RAB31: variants seen among roughly 807,000 people sequenced by gnomAD.
The protein encoded by RAB31 is ras-related protein Rab-31.
Under a neutral mutation model 25.6 loss-of-function variants are expected in RAB31, and 21 were observed. That is an observed-to-expected ratio of 0.82 (90% confidence interval 0.58 to 1.18). The LOEUF is 1.18. Among genes scored for constraint, RAB31 ranks in the 50% most tolerant of loss-of-function variants. The pLI, the probability that RAB31 is intolerant of heterozygous loss-of-function variation, is 0.00. For synonymous variants in RAB31, 87 were observed against 84.0 expected, an observed-to-expected ratio of 1.04 and a Z score of -0.20; for missense variants, 196 against 250.1, an observed-to-expected ratio of 0.78 and a Z score of 1.46.
At chr18:9,792,983 A>G (rs2068468907) in intron 3 of RAB31, among the ~76,000 whole-genome samples, 1 of 152,222 alleles carries the variant, frequency 6.6e-6, no homozygotes. Context: ...GGAGAAGACT[A>G]TATATTTTAG....
chr18:9,710,367 C>T lies in RAB31; in HGVS notation c.39+1923C>T, dbSNP rs189085959. On this transcript the variant is annotated intron_variant, in intron 1 of 6. Transcript: ENST00000578921. ...GAGTTCAGGGTGCCAATTAGCAAACCTGGGAGAGGAGGAAGCTGGAGGAAA... is the reference window on the plus strand; with the variant it reads ...GAGTTCAGGGTGCCAATTAGCAAACTTGGGAGAGGAGGAAGCTGGAGGAAA... Among the ~76,000 whole-genome samples the T allele has an allele frequency of 1.9e-4, 29 of 152,278 alleles. No individual in the cohort carries two copies. The South Asian group carries it at 2.5e-3, about 13-fold the overall frequency.
intron 1 of RAB31, among the ~76,000 whole-genome samples, chr18:9,727,564 C>A (rs537732883): frequency 4.5e-4 from 68 of 152,282 alleles, no homozygotes; most frequent in African/African-American, 1.6e-3. Flanking sequence ...GATCCTTTTG[C>A]CTTGGCCTCC....
chr18:9,825,151 G>T (rs1187998998), intron 5 of RAB31, among the ~76,000 whole-genome samples: 1 of 152,174 alleles, frequency 6.6e-6, no homozygotes, highest in East Asian at 1.9e-4. Flanking sequence ...ACCTCAAATG[G>T]ATTGAATCCA....
intron 5 of RAB31, among the ~76,000 whole-genome samples, chr18:9,816,601 A>T (rs1196621175): frequency 1.3e-5 from 2 of 152,248 alleles, no homozygotes; most frequent in Non-Finnish European, 2.9e-5. Context: ...GACACATTGT[A>T]TGTGAGTACC....
At chr18:9,799,447 C>T (rs1450428830) in intron 3 of RAB31, among the ~76,000 whole-genome samples, 1 of 152,184 alleles carries the variant, frequency 6.6e-6, no homozygotes, top group Non-Finnish European at 1.5e-5. Flanking sequence ...GCACAGGAAT[C>T]TCAAAGGATC....
intron 1 of RAB31, among the ~76,000 whole-genome samples, chr18:9,759,659 G>A (rs1208100903): frequency 6.6e-6 from 1 of 152,078 alleles, no homozygotes; most frequent in Non-Finnish European, 1.5e-5. Flanking sequence ...GGACCAACAA[G>A]GTATATGCTT....
chr18:9,711,509 AC>A (rs1310711582), intron 1 of RAB31, among the ~76,000 whole-genome samples: 3 of 152,224 alleles, frequency 2.0e-5, no homozygotes, highest in African/African-American at 7.2e-5. Context: ...AGTAGCTGGG[AC>A]CACAGGTGTG....
At chr18:9,769,052 A>G (rs1218932922) in intron 1 of RAB31, among the ~76,000 whole-genome samples, 3 of 152,156 alleles carry the variant, frequency 2.0e-5, no homozygotes, top group Non-Finnish European at 4.4e-5. Context: ...CCATTGGTCT[A>G]TATATCTGTT....
chr18:9,799,656 A>G (rs1428266103), intron 3 of RAB31, among the ~76,000 whole-genome samples: 1 of 152,152 alleles, frequency 6.6e-6, no homozygotes, highest in Non-Finnish European at 1.5e-5. Flanking sequence ...CACCGTGCCC[A>G]GCCTATTCAT....
intron 1 of RAB31, among the ~76,000 whole-genome samples, chr18:9,720,991 C>T (rs538143378): frequency 2.6e-5 from 4 of 152,080 alleles, no homozygotes; most frequent in East Asian, 3.9e-4. Context: ...CTCTGGGGTC[C>T]GTGGTCCATC....
At position 9,708,379 on chromosome 18, in the gene RAB31, G is replaced by A; in HGVS notation, c.-27G>A. The stretch of plus-strand genomic sequence containing the variant: ...CGGCGGCCCCGGAGGATGCTGCTGA[G>A]CCCCGGCACTGCCTGGCTGCGAGCA... On this transcript the variant is annotated 5_prime_UTR_variant, in exon 1 of 7. Transcript: ENST00000578921. This position sits in a 1 kb window ranked among gnomAD's most constrained non-coding sequence, Gnocchi z 6.4. The A allele has an allele frequency of 6.5e-7, 1 of 1,541,702 alleles. No individual in the cohort carries two copies. Among genetic ancestry groups the A allele is most frequent in the Non-Finnish European group, 8.7e-7 (1 of 1,144,310 alleles).
At chr18:9,827,054 T>C (rs1056158759) in intron 5 of RAB31, among the ~76,000 whole-genome samples, 5 of 152,076 alleles carry the variant, frequency 3.3e-5, no homozygotes, top group Admixed American at 3.3e-4. Context: ...TTTCTTCTGC[T>C]TGATCTTGTT....
intron 5 of RAB31, among the ~76,000 whole-genome samples, chr18:9,824,230 G>A (rs1424546041): frequency 6.7e-6 from 1 of 148,216 alleles, no homozygotes; most frequent in African/African-American, 2.5e-5. Context: ...GTGTGTGTAT[G>A]TGTGTGTGTA....
At chr18:9,826,082 A>T (rs1028140788) in intron 5 of RAB31, among the ~76,000 whole-genome samples, 1 of 152,158 alleles carries the variant, frequency 6.6e-6, no homozygotes, top group Non-Finnish European at 1.5e-5. Flanking sequence ...CTAAAATAAA[A>T]GTTGAAATTA....
rs2068078597 is a variant in RAB31, at chr18:9,722,574, G to A, written c.39+14130G>A. ...TCAATGTATCTGTGTCTATTTTGTA[G>A]TTTCAGAATAGCACAGTTTATGTGT... On this transcript the variant is annotated intron_variant, in intron 1 of 6. Transcript: ENST00000578921. 2.6e-5 allele frequency among the ~76,000 whole-genome samples: 4 copies of A among 152,170 alleles called. No individual in the cohort carries two copies. The South Asian group carries it at 8.3e-4, about 32-fold the overall frequency.
At chr18:9,757,301 C>G (rs970079431) in intron 1 of RAB31, among the ~76,000 whole-genome samples, 1 of 152,132 alleles carries the variant, frequency 6.6e-6, no homozygotes, top group African/African-American at 2.4e-5. Context: ...GCAGGGAAGC[C>G]GGCCTGCAGT....
chr18:9,724,666 C>A lies in RAB31; in HGVS notation c.39+16222C>A, dbSNP rs558066492. On this transcript the variant is annotated intron_variant, in intron 1 of 6. Coordinates refer to ENST00000578921, the MANE Select transcript of RAB31 (RefSeq NM_006868.4). Reference sequence around the variant, plus strand: ...GATTGGTACATAGCCCTGGAATGCACGCCTTTCTTTTAAGGAAGCGCTTCA... The same window carrying A: ...GATTGGTACATAGCCCTGGAATGCAAGCCTTTCTTTTAAGGAAGCGCTTCA... Among the ~76,000 whole-genome samples, 39 of 152,302 alleles carry A rather than the reference C, an allele frequency of 2.6e-4. No individual in the cohort carries two copies. In the South Asian group the frequency reaches 8.1e-3, roughly 32 times the overall value.
chr18:9,802,607 A>C (rs1296817353), intron 3 of RAB31, among the ~76,000 whole-genome samples: 1 of 152,242 alleles, frequency 6.6e-6, no homozygotes, highest in Non-Finnish European at 1.5e-5. Flanking sequence ...GCATGCAGTC[A>C]GGAGATCTGG....
At chr18:9,819,699 A>G (rs1369133301) in intron 5 of RAB31, among the ~76,000 whole-genome samples, 1 of 152,134 alleles carries the variant, frequency 6.6e-6, no homozygotes, top group Non-Finnish European at 1.5e-5. Flanking sequence ...CCGATCCATC[A>G]GTGTGAAATG....
Sources: gnomAD v4.1 joint callset for allele counts (sites outside exome capture counted in the v4.1 genomes callset) on GRCh38, gnomAD v4.1.1 for gene constraint, Gnocchi (gnomAD v3.1) non-coding constraint, MANE v1.5 for transcripts, NCBI Gene and HGNC (gene_info 2026-07-23, HGNC 2026-07-21) for gene names.